MTSS1: variants seen among roughly 807,000 people sequenced by gnomAD.
MTSS1 encodes the protein protein MTSS 1.
In MTSS1, 18 loss-of-function variants were observed where a neutral mutation model predicts 79.0. The observed-to-expected ratio is 0.23, with a 90% CI of 0.16 to 0.34. The LOEUF is 0.34. MTSS1 is among the 10% of genes least tolerant of loss of function. The pLI is 1.00. For synonymous variants in MTSS1, 341 were observed against 368.6 expected (o/e 0.93, Z 0.86); for missense variants, 815 against 986.2 (o/e 0.83, Z 2.33).
At chr8:124,558,491 C>A (rs951097417) in intron 10 of MTSS1, among the ~76,000 whole-genome samples, 10 of 152,154 alleles carry the variant, frequency 6.6e-5, no homozygotes, top group African/African-American at 2.4e-4. Flanking sequence ...TTCCCCATAC[C>A]CCTTCCTCTC....
intron 3 of MTSS1, among the ~76,000 whole-genome samples, chr8:124,626,544 T>C (rs142149231): frequency 3.3e-5 from 5 of 151,830 alleles, no homozygotes; most frequent in Non-Finnish European, 5.9e-5. Flanking sequence ...TTGAGAAACA[T>C]TAAATCCAGA....
intron 3 of MTSS1, among the ~76,000 whole-genome samples, chr8:124,602,452 G>A (rs938930748): frequency 1.3e-5 from 2 of 151,754 alleles, no homozygotes; most frequent in South Asian, 2.1e-4. Flanking sequence ...CCCCCACCTC[G>A]ACCTCCCAAA....
rs564814025 is a variant in MTSS1 at position 124,596,186 on chromosome 8, T to G, written c.209-4951A>C. Among the ~76,000 whole-genome samples, 4 of 152,306 alleles carry G rather than the reference T, an allele frequency of 2.6e-5. No homozygotes were observed. In the South Asian group the frequency reaches 8.3e-4, roughly 32 times the overall value. ...ACCCCAGTTTTGCAAGCATATTCAT[T>G]TTCTTATTTTTAGAGCCACTTTGAT... On this transcript the variant is annotated intron_variant, in intron 3 of 13. Coordinates refer to ENST00000518547, the MANE Select transcript of MTSS1 (RefSeq NM_014751.6).
intron 3 of MTSS1, among the ~76,000 whole-genome samples, chr8:124,634,083 C>T (rs1816529079): frequency 6.6e-6 from 1 of 151,128 alleles, no homozygotes; most frequent in Admixed American, 6.6e-5. Context: ...AAAATATAGA[C>T]CAGTCCTTAT....
chr8:124,699,872 C>G (rs897828846), intron 2 of MTSS1, among the ~76,000 whole-genome samples: 3 of 152,194 alleles, frequency 2.0e-5, no homozygotes, highest in African/African-American at 7.2e-5. Flanking sequence ...CAGGGCCAGG[C>G]ATGGTGGCTC....
Position 124,682,157 on chromosome 8 carries a change from G to A in MTSS1, c.208+17369C>T, listed in dbSNP as rs542077743. Reference sequence around the variant, plus strand: ...ATGCACTTTCTTAACTCTAACAACAGGGTAGCCCTCACGCCAGAATAATTT... The same window carrying A: ...ATGCACTTTCTTAACTCTAACAACAAGGTAGCCCTCACGCCAGAATAATTT... On this transcript the variant is annotated intron_variant, in intron 3 of 13. Coordinates refer to ENST00000518547, the MANE Select transcript of MTSS1 (RefSeq NM_014751.6). Among the ~76,000 whole-genome samples the A allele has an allele frequency of 1.4e-3, 215 of 152,320 alleles. 1 individual carries two copies. Among genetic ancestry groups the A allele is most frequent in the African/African-American group, 3.9e-3 (162 of 41,558 alleles).
At chr8:124,651,576 C>T (rs1819978899) in intron 3 of MTSS1, among the ~76,000 whole-genome samples, 1 of 152,148 alleles carries the variant, frequency 6.6e-6, no homozygotes, top group Non-Finnish European at 1.5e-5. Context: ...TGCAGAAGGG[C>T]CCTTCCCTGA....
intron 3 of MTSS1, among the ~76,000 whole-genome samples, chr8:124,592,740 G>A (rs1480539068): frequency 6.6e-6 from 1 of 152,154 alleles, no homozygotes; most frequent in Admixed American, 6.5e-5. Flanking sequence ...TAAAAACAAG[G>A]TTTTCTCAAT....
At chr8:124,707,778 A>C (rs1242018135) in intron 1 of MTSS1, among the ~76,000 whole-genome samples, 2 of 151,992 alleles carry the variant, frequency 1.3e-5, no homozygotes, top group Non-Finnish European at 2.9e-5. Context: ...CAGGAGGCTG[A>C]GGTGGGAGAA....
At chr8:124,580,465 C>T in intron 6 of MTSS1, 12 of 1,440,670 alleles carry the variant, frequency 8.3e-6, no homozygotes, top group Non-Finnish European at 1.1e-5. Flanking sequence ...ACCTGGGCAG[C>T]TAGCAGAGGT....
At chr8:124,623,281 T>C (rs1313491273) in intron 3 of MTSS1, among the ~76,000 whole-genome samples, 1 of 152,258 alleles carries the variant, frequency 6.6e-6, no homozygotes, top group Non-Finnish European at 1.5e-5. Flanking sequence ...TCTGTGCTCA[T>C]ATGTCTATAG....
At chr8:124,692,096 C>T (rs970099156) in intron 3 of MTSS1, among the ~76,000 whole-genome samples, 30 of 146,896 alleles carry the variant, frequency 2.0e-4, no homozygotes, top group African/African-American at 7.1e-4. Flanking sequence ...GTGGCATGAT[C>T]TTGGCTCATT....
At chr8:124,704,286 T>C in intron 1 of MTSS1, 95 bp from the exon 2 acceptor site, 5 of 1,057,776 alleles carry the variant, frequency 4.7e-6, no homozygotes, top group Non-Finnish European at 7.3e-6. Flanking sequence ...CAGGGAACAA[T>C]CTGTGTATGT....
At chr8:124,626,632 G>A (rs79022968) in intron 3 of MTSS1, among the ~76,000 whole-genome samples, 3,910 of 152,104 alleles carry the variant, frequency 0.026, 176 homozygotes, top group East Asian at 0.14. Flanking sequence ...TCAACAAGGC[G>A]GTTTGTGGGG....
At position 124,557,740 on chromosome 8, in the gene MTSS1, C is replaced by T. The variant is rs775582508; in HGVS notation, c.1171G>A (p.Ala391Thr). The change falls in exon 11 of 14, where the codon GCT becomes ACT. Residue 391 changes from alanine (A) to threonine (T), a missense_variant. By Grantham distance (58) the Ala-to-Thr change is moderately conservative. Coordinates refer to ENST00000518547, the MANE Select transcript of MTSS1 (RefSeq NM_014751.6). ...CCGGGCCCAATGGTGTAATAATGAGCGTAGTCTGGAAGGTGGACAGAGGTG... is the reference window on the plus strand; with the variant it reads ...CCGGGCCCAATGGTGTAATAATGAGTGTAGTCTGGAAGGTGGACAGAGGTG... ...RVTSVHLPDY[A>T]HYYTIGPGMF... 5.0e-6 allele frequency: 8 copies of T among 1,601,694 alleles called. No individual in the cohort carries two copies. The highest frequency in any genetic ancestry group is 1.3e-5 in the African/African-American group (1 of 74,562).
intron 3 of MTSS1, among the ~76,000 whole-genome samples, chr8:124,672,419 G>A (rs541139677): frequency 3.4e-4 from 52 of 151,956 alleles, no homozygotes; most frequent in African/African-American, 1.1e-3. Flanking sequence ...GCTTGAACCC[G>A]GGAGATGGAG....
At chr8:124,712,369 A>C (rs562216514) in intron 1 of MTSS1, among the ~76,000 whole-genome samples, 1 of 152,272 alleles carries the variant, frequency 6.6e-6, no homozygotes, top group East Asian at 1.9e-4. Context: ...GGTTACCCTG[A>C]AGCTGCTTTA....
intron 3 of MTSS1, among the ~76,000 whole-genome samples, chr8:124,634,470 T>C (rs1286493021): frequency 6.6e-6 from 1 of 152,080 alleles, no homozygotes; most frequent in Non-Finnish European, 1.5e-5. Flanking sequence ...ATGAGAGATA[T>C]AAAAAGTCCC....
intron 5 of MTSS1, among the ~76,000 whole-genome samples, chr8:124,587,036 A>AT (rs1208074396): frequency 1.3e-5 from 2 of 152,218 alleles, no homozygotes; most frequent in African/African-American, 4.8e-5. Context: ...AAAGGGGAAC[A>AT]TTTAACAGAG....
Sources: gnomAD v4.1 joint callset for allele counts (sites outside exome capture counted in the v4.1 genomes callset) on GRCh38, gnomAD v4.1.1 for gene constraint, MANE v1.5 for transcripts, NCBI Gene and HGNC (gene_info 2026-07-23, HGNC 2026-07-21) for gene names.